ECE2: variants seen among roughly 807,000 people sequenced by gnomAD.
ECE2 encodes the protein endothelin-converting enzyme 2.
In ECE2, 81 loss-of-function variants were observed where a neutral mutation model predicts 100.6. The ratio of observed to expected loss-of-function variants is 0.81; its 90% CI spans 0.67 to 0.97. ECE2 has a LOEUF of 0.97. Ranked by LOEUF, ECE2 falls within the 50% of genes least tolerant of loss-of-function variation. The pLI is 0.00. For missense variants in ECE2, 911 were observed against 988.1 expected (o/e 0.92, Z 1.05); for synonymous variants, 391 against 391.5 (o/e 1.00, Z 0.02).
rs779667226 is a variant in ECE2 at position 184,289,446 on chromosome 3, A to G, written c.1384A>G (p.Met462Val). ...ACCTCCTCCCTCCCAGGCAGAGGGG[A>G]TGATCAGCGAAATCCGGACCGCATT... is the stretch of plus-strand genomic sequence containing the variant. The part of the protein sequence containing the change: ...DRQSKEIAEG[M>V]ISEIRTAFEE... The change falls in exon 12 of 19, where the codon ATG becomes GTG. Residue 462 changes from methionine (M) to valine (V), a missense_variant. Transcript: ENST00000404464. This position sits in a 1 kb window ranked among gnomAD's most constrained non-coding sequence, Gnocchi z 4.1. The G allele has an allele frequency of 5.6e-6, 9 of 1,606,266 alleles. No homozygotes were observed. Among genetic ancestry groups the G allele is most frequent in the Non-Finnish European group, 4.2e-6 (5 of 1,176,748 alleles).
chr3:184,290,877 T>G lies in ECE2; in HGVS notation c.1834+17T>G, dbSNP rs564294286. 6.2e-7 allele frequency: 1 copy of G among 1,613,436 alleles called. No homozygotes were observed. The highest frequency in any genetic ancestry group is 2.2e-5 in the East Asian group (1 of 44,848). On this transcript the variant is annotated intron_variant, in intron 16 of 18. Transcript: ENST00000404464. ...ATGACCAAGGTAGGGGCCCATGGAG[T>G]CGTCCCCTCTAGCCTAGAATTCCCA... is the stretch of plus-strand genomic sequence containing the variant.
intron 1 of ECE2, 47 bp downstream of exon 1, chr3:184,276,239 G>T: frequency 1.4e-6 from 2 of 1,441,006 alleles, no homozygotes; most frequent in Non-Finnish European, 1.8e-6. Context: ...GGTGGAGGGG[G>T]ACGAGGCAGA....
At chr3:184,284,892 C>T (rs1461805509) in intron 8 of ECE2, 71 bp from the exon 9 acceptor site, 18 of 1,562,520 alleles carry the variant, frequency 1.2e-5, no homozygotes, top group Admixed American at 3.8e-5. Context: ...TCCCAGGCTA[C>T]AGCATACAGT....
Position 184,289,779 on chromosome 3 carries a change from C to A in ECE2, c.1551+61C>A. 6.9e-7 allele frequency: 1 copy of A among 1,452,868 alleles called. No individual in the cohort carries two copies. The highest frequency in any genetic ancestry group is 9.3e-7 in the Non-Finnish European group (1 of 1,072,990). The allele number at this position is 1,452,868 out of a possible 1,614,324, so 90.0% of individuals were successfully genotyped here. On this transcript the variant is annotated intron_variant, in intron 13 of 18. Transcript: ENST00000404464. The surrounding 1 kb of genome is among the most constrained non-coding windows in gnomAD (Gnocchi z 4.1). ...CCTGTAGAGGGCACTGTTCCCTGGG[C>A]TTAGAAATTGGGGCTCAAGCACTGG...
chr3:184,276,540 G>T lies in ECE2; in HGVS notation c.99G>T (p.Glu33Asp), dbSNP rs1367319376. 1 of 1,611,550 alleles carries T rather than the reference G, an allele frequency of 6.2e-7. No homozygotes were observed. The highest frequency in any genetic ancestry group is 1.3e-5 in the African/African-American group (1 of 75,008). ...AAGACGCACCCGAGACCCCCGTAGAGGGCGGGGCCTCCCCGGACGCCATGG... is the reference window on the plus strand; with the variant it reads ...AAGACGCACCCGAGACCCCCGTAGATGGCGGGGCCTCCCCGGACGCCATGG... ...RDEDAPETPV[E>D]GGASPDAMEV... The change falls in exon 2 of 19, where the codon GAG becomes GAT. Residue 33 changes from glutamate to aspartate, a missense_variant. By Grantham distance (45) the Glu-to-Asp change is conservative (BLOSUM62 2). Transcript: ENST00000404464.
intron 10 of ECE2, among the ~76,000 whole-genome samples, chr3:184,287,144 C>T (rs774309212): frequency 4.9e-4 from 75 of 151,626 alleles, no homozygotes; most frequent in Middle Eastern, 3.4e-3. Context: ...GGCGTGGTGG[C>T]GGGCGCCTTT....
chr3:184,277,833 G>A lies in ECE2; in HGVS notation c.479-92G>A, dbSNP rs1480872670. The A allele has an allele frequency of 1.9e-6, 3 of 1,548,188 alleles. No homozygotes were observed. In the African/African-American group the frequency reaches 4.1e-5, roughly 21 times the overall value. On this transcript the variant is annotated intron_variant, in intron 4 of 18. Transcript: ENST00000404464. ...GTCTGCGTTAGCAGGACTGCTCATT[G>A]ACAAGGCAAGGAGAGAAACCGAGCA... is the stretch of plus-strand genomic sequence containing the variant.
chr3:184,290,477 AG>A, intron 14 of ECE2, 79 bp from the exon 15 acceptor site: 1 of 1,564,130 alleles, frequency 6.4e-7, no homozygotes, highest in Non-Finnish European at 8.8e-7. Flanking sequence ...ATACCCTTGC[AG>A]GAGGTAGGGC....
At position 184,291,321 on chromosome 3, in the gene ECE2, G is replaced by T. The variant is rs760368383; in HGVS notation, c.2026-23G>T. The stretch of plus-strand genomic sequence containing the variant: ...GGTGGGGGCAGGCCTGGATGGGCTT[G>T]TTGCCCACTGTTCTGTCCCCAGGCT... On this transcript the variant is annotated intron_variant, in intron 17 of 18. Transcript: ENST00000404464. The surrounding 1 kb of genome is among the most constrained non-coding windows in gnomAD (Gnocchi z 4.1). The T allele has an allele frequency of 3.8e-6, 6 of 1,593,170 alleles. No individual in the cohort carries two copies. Among genetic ancestry groups the T allele is most frequent in the South Asian group, 1.1e-5 (1 of 88,018 alleles).
rs368381548 is a variant in ECE2 at position 184,291,452 on chromosome 3, C to T, written c.2121+13C>T. 2.6e-5 allele frequency: 40 copies of T among 1,567,882 alleles called. No individual in the cohort carries two copies. The highest frequency in any genetic ancestry group is 1.4e-4 in the African/African-American group (10 of 73,884). ...GGGATTTGCCCAGGTATCACCCTCTCGGAAGGCCTGGGGTCTGCCCCTTTG... is the reference window on the plus strand; with the variant it reads ...GGGATTTGCCCAGGTATCACCCTCTTGGAAGGCCTGGGGTCTGCCCCTTTG... On this transcript the variant is annotated intron_variant, in intron 18 of 18. Transcript: ENST00000404464. This position sits in a 1 kb window ranked among gnomAD's most constrained non-coding sequence, Gnocchi z 4.1.
chr3:184,280,918 G>C (rs899702461), intron 7 of ECE2, among the ~76,000 whole-genome samples: 1 of 151,766 alleles, frequency 6.6e-6, no homozygotes, highest in African/African-American at 2.4e-5. Context: ...GGTGGAAGTT[G>C]CAGTGAGCTG....
chr3:184,286,497 G>T (rs973816694), intron 10 of ECE2, among the ~76,000 whole-genome samples: 1 of 152,058 alleles, frequency 6.6e-6, no homozygotes. Flanking sequence ...TGGAGTCAGG[G>T]TGTCCAGTTA....
Position 184,278,509 on chromosome 3 carries a change from C to G in ECE2, c.768C>G (p.Leu256=). Residue 256 remains leucine (L), a synonymous_variant, in exon 7 of 19, where the codon CTC becomes CTG. Coordinates refer to ENST00000404464, the MANE Select transcript of ECE2 (RefSeq NM_001100121.2). ...CATTGCAGGTGGACCAGTCTGGGCT[C>G]TTTCTGCCCTCTCGGGATTACTACT... ...SNVIQVDQSG[L]FLPSRDYYLN... The G allele has an allele frequency of 6.2e-7, 1 of 1,614,074 alleles. No individual in the cohort carries two copies.
intron 7 of ECE2, among the ~76,000 whole-genome samples, chr3:184,281,302 AGAG>A (rs767427531): frequency 6.6e-6 from 1 of 152,224 alleles, no homozygotes; most frequent in Admixed American, 6.5e-5. Flanking sequence ...GGACTATTAT[AGAG>A]GAGAAGCATA....
Position 184,283,913 on chromosome 3 carries a change from C to T in ECE2, c.945C>T (p.Pro315=). Residue 315 remains proline, a synonymous_variant, in exon 8 of 19, where the codon CCC becomes CCT. Transcript: ENST00000404464. ...TACAGCTGGCCAACATCACAGTGCC[C>T]CAGGACCAGCGGCGCGACGAGGAGA... ...LEIQLANITV[P]QDQRRDEEKI... The T allele has an allele frequency of 1.2e-6, 2 of 1,613,920 alleles. No homozygotes were observed. Among genetic ancestry groups the T allele is most frequent in the Admixed American group, 1.7e-5 (1 of 59,978 alleles).
Position 184,276,877 on chromosome 3 carries a change from C to T in ECE2, c.127-15C>T. ...CCTGCATCTCAGTCACTCTCTGTCC[C>T]CCTGTGTTCCCCAGGTGGGATTCCA... On this transcript the variant is annotated splice_polypyrimidine_tract_variant and intron_variant, in intron 2 of 18. Coordinates refer to ENST00000404464, the MANE Select transcript of ECE2 (RefSeq NM_001100121.2). The T allele has an allele frequency of 1.2e-6, 2 of 1,613,716 alleles. No individual in the cohort carries two copies. Among genetic ancestry groups the T allele is most frequent in the East Asian group, 2.2e-5 (1 of 44,860 alleles).
intron 10 of ECE2, among the ~76,000 whole-genome samples, chr3:184,287,634 G>T (rs573785995): frequency 1.9e-4 from 29 of 152,312 alleles, no homozygotes; most frequent in African/African-American, 6.7e-4. Context: ...GACAGAGGTT[G>T]CAGTGAGCAG....
chr3:184,282,635 C>T (rs907557022), intron 7 of ECE2, among the ~76,000 whole-genome samples: 7 of 152,192 alleles, frequency 4.6e-5, no homozygotes, highest in Admixed American at 6.5e-5. Context: ...GGGGTGAGGC[C>T]ACATGAGTTT....
rs764571718 is a variant in ECE2 at position 184,291,067 on chromosome 3, T to C, written c.1862T>C (p.Leu621Pro). 6.3e-7 allele frequency: 1 copy of C among 1,580,454 alleles called. No individual in the cohort carries two copies. Among genetic ancestry groups the C allele is most frequent in the Non-Finnish European group, 8.6e-7 (1 of 1,161,602 alleles). ...QGREYDKEGNLRPWWQNESLA... is the reference protein window; with the variant it reads ...QGREYDKEGNPRPWWQNESLA... ...CGCGAGTATGACAAAGAAGGGAACC[T>C]GCGGCCCTGGTGGCAGAATGAGTCC... is the stretch of plus-strand genomic sequence containing the variant. The change falls in exon 17 of 19, where the codon CTG (leucine) becomes CCG (proline). Residue 621 changes from leucine (L) to proline (P), a missense_variant. Coordinates refer to ENST00000404464, the MANE Select transcript of ECE2 (RefSeq NM_001100121.2). This position sits in a 1 kb window ranked among gnomAD's most constrained non-coding sequence, Gnocchi z 4.1.
Sources: allele counts gnomAD v4.1 joint callset (sites outside exome capture counted in the v4.1 genomes callset), GRCh38; gene constraint gnomAD v4.1.1; non-coding constraint Gnocchi (gnomAD v3.1); transcripts MANE v1.5; gene names NCBI Gene and HGNC (gene_info 2026-07-23, HGNC 2026-07-21).